IPCEF1: variants seen among roughly 807,000 people sequenced by gnomAD.
The protein encoded by IPCEF1 is interaction protein for cytohesin exchange factors 1.
Under a neutral mutation model 50.9 loss-of-function variants are expected in IPCEF1, and 31 were observed. The ratio of observed to expected loss-of-function variants is 0.61; its 90% CI spans 0.46 to 0.82. The LOEUF is 0.82. Among genes scored for constraint, IPCEF1 ranks in the 40% least tolerant of loss-of-function variants. IPCEF1 has a pLI of 0.00. For synonymous variants in IPCEF1, 181 were observed against 192.0 expected, an observed-to-expected ratio of 0.94 and a Z score of 0.47; for missense variants, 458 against 514.0, an observed-to-expected ratio of 0.89 and a Z score of 1.05.
intron 2 of IPCEF1, among the ~76,000 whole-genome samples, chr6:154,268,556 G>A (rs1481655192): frequency 6.6e-6 from 1 of 151,972 alleles, no homozygotes; most frequent in Non-Finnish European, 1.5e-5. Flanking sequence ...TTTCTCTCTG[G>A]CCCAGTGATT....
At chr6:154,305,717 A>G (rs996340199) in intron 1 of IPCEF1, among the ~76,000 whole-genome samples, 10 of 152,188 alleles carry the variant, frequency 6.6e-5, no homozygotes, top group South Asian at 4.1e-4. Flanking sequence ...GGTGGGCACC[A>G]TCCAATCAGC....
At chr6:154,354,404 T>TCCACCATCTC (rs1784168877) in intron 1 of IPCEF1, among the ~76,000 whole-genome samples, 6 of 20,770 alleles carry the variant, frequency 2.9e-4, no homozygotes, top group East Asian at 6.6e-4. Flanking sequence ...CCAACCACCA[T>TCCACCATCTC]CTCCACCACC....
intron 10 of IPCEF1, among the ~76,000 whole-genome samples, chr6:154,191,901 C>T (rs995058470): frequency 6.6e-6 from 1 of 151,750 alleles, no homozygotes; most frequent in African/African-American, 2.4e-5. Context: ...AAGTGCTCTA[C>T]AAAGTTAAGC....
intron 2 of IPCEF1, among the ~76,000 whole-genome samples, chr6:154,287,316 C>A (rs890258974): frequency 6.6e-6 from 1 of 152,046 alleles, no homozygotes; most frequent in Non-Finnish European, 1.5e-5. Flanking sequence ...AACCTCCTTT[C>A]TTTATAAATT....
Position 154,158,721 on chromosome 6 carries a change from T to C in IPCEF1, c.*1107A>G, listed in dbSNP as rs1034125445. The C allele has an allele frequency of 2.0e-5, 3 of 152,314 alleles. No individual in the cohort carries two copies. Among genetic ancestry groups the C allele is most frequent in the East Asian group, 1.9e-4 (1 of 5,190 alleles). 9.4% of individuals were successfully genotyped at this position (152,314 alleles called of 1,614,324 possible). On this transcript the variant is annotated 3_prime_UTR_variant, in exon 12 of 12. Transcript: ENST00000367220. ...TTCTATTTTTCTCAAGCAAAAAGTATAGACTCATCAAATATATACTAAGCA... is the reference window on the plus strand; with the variant it reads ...TTCTATTTTTCTCAAGCAAAAAGTACAGACTCATCAAATATATACTAAGCA...
At chr6:154,279,670 C>T (rs574624979) in intron 2 of IPCEF1, among the ~76,000 whole-genome samples, 1 of 152,284 alleles carries the variant, frequency 6.6e-6, no homozygotes, top group South Asian at 2.1e-4. Context: ...TAAGTTGAAA[C>T]ACATTAGAAT....
At chr6:154,339,820 A>G (rs916834326) in intron 1 of IPCEF1, among the ~76,000 whole-genome samples, 3 of 152,038 alleles carry the variant, frequency 2.0e-5, no homozygotes, top group Non-Finnish European at 4.4e-5. Flanking sequence ...CTCGTCTGGA[A>G]CACTTGGGCT....
At chr6:154,250,606 T>C (rs1036614170) in intron 3 of IPCEF1, among the ~76,000 whole-genome samples, 1 of 152,220 alleles carries the variant, frequency 6.6e-6, no homozygotes, top group African/African-American at 2.4e-5. Flanking sequence ...GTAGAAAATA[T>C]ACAAAGGAAA....
chr6:154,236,330 G>T (rs1780129206), intron 5 of IPCEF1, among the ~76,000 whole-genome samples: 1 of 152,170 alleles, frequency 6.6e-6, no homozygotes, highest in Admixed American at 6.5e-5. Context: ...CTTATAGGAG[G>T]GAACTACAGT....
Position 154,168,234 on chromosome 6 carries a change from C to A in IPCEF1, c.911-121G>T. 2.9e-6 allele frequency: 2 copies of A among 678,548 alleles called. No homozygotes were observed. The highest frequency in any genetic ancestry group is 2.9e-5 in the South Asian group (1 of 34,076). 42.0% of individuals were successfully genotyped at this position (678,548 alleles called of 1,614,324 possible). Reference sequence around the variant, plus strand: ...GGCACCCTCATCTCAGACTTCTCTCCGGAACTGAAAGACAATAAATGTTTG... The same window carrying A: ...GGCACCCTCATCTCAGACTTCTCTCAGGAACTGAAAGACAATAAATGTTTG... On this transcript the variant is annotated intron_variant, in intron 10 of 11. Coordinates refer to ENST00000367220, the MANE Select transcript of IPCEF1 (RefSeq NM_001130700.2). The surrounding 1 kb of genome is among the most constrained non-coding windows in gnomAD (Gnocchi z 4.1).
intron 2 of IPCEF1, among the ~76,000 whole-genome samples, chr6:154,273,515 T>C (rs984323498): frequency 1.3e-5 from 2 of 152,192 alleles, no homozygotes; most frequent in East Asian, 3.9e-4. Context: ...TCCATTCGTT[T>C]TGCCAATTAG....
chr6:154,159,793 G>A lies in IPCEF1; in HGVS notation c.*35C>T. 6.6e-7 allele frequency: 1 copy of A among 1,517,958 alleles called. No homozygotes were observed. The highest frequency in any genetic ancestry group is 9.1e-7 in the Non-Finnish European group (1 of 1,101,262). The allele number at this position is 1,517,958 out of a possible 1,614,324, so 94.0% of individuals were successfully genotyped here. A position where few individuals can be genotyped will look rare whatever the true frequency, so the allele number is the denominator to read the frequency against. Reference sequence around the variant, plus strand: ...TGCAACATCTTGAAGAGTTGCTTGTGATAAAATATAAGAGGAGAAAACCCT... The same window carrying A: ...TGCAACATCTTGAAGAGTTGCTTGTAATAAAATATAAGAGGAGAAAACCCT... On this transcript the variant is annotated 3_prime_UTR_variant, in exon 12 of 12. Transcript: ENST00000367220.
intron 2 of IPCEF1, among the ~76,000 whole-genome samples, chr6:154,269,471 T>TTTTTC (rs917076195): frequency 3.3e-5 from 5 of 152,168 alleles, no homozygotes; most frequent in African/African-American, 9.7e-5. Context: ...TTGTTTCTTT[T>TTTTTC]TTTTCTTTTC....
In IPCEF1 at chr6:154,158,950, T is replaced by C. The variant is rs1298425846; in HGVS notation, c.*878A>G. 2.6e-5 allele frequency: 4 copies of C among 152,198 alleles called. No individual in the cohort carries two copies. Among genetic ancestry groups the C allele is most frequent in the African/African-American group, 9.6e-5 (4 of 41,458 alleles). The allele number at this position is 152,198 out of a possible 1,614,324, so 9.4% of individuals were successfully genotyped here. A position where few individuals can be genotyped will look rare whatever the true frequency, so the allele number is the denominator to read the frequency against. On this transcript the variant is annotated 3_prime_UTR_variant, in exon 12 of 12. Transcript: ENST00000367220. ...AGTAAAGATATTAAAACAATTCAGA[T>C]GCCAAAGTCGTCTTGTCAATATTGA...
Position 154,223,238 on chromosome 6 carries a change from C to T in IPCEF1, c.252G>A (p.Glu84=). The T allele has an allele frequency of 6.2e-7, 1 of 1,612,382 alleles. No homozygotes were observed. The highest frequency in any genetic ancestry group is 8.5e-7 in the Non-Finnish European group (1 of 1,179,364). Reference sequence around the variant, plus strand: ...GCAGGTTGACAAATCCATCAGCTTTCTCTGCCTGAAACAAATATATACCAC... The same window carrying T: ...GCAGGTTGACAAATCCATCAGCTTTTTCTGCCTGAAACAAATATATACCAC... ...SLYWYSNQMA[E]KADGFVNLPD... The change falls in exon 6 of 12, where the codon GAG becomes GAA. Residue 84 remains glutamate, a synonymous_variant. Transcript: ENST00000367220.
At chr6:154,171,177 A>C (rs1480899723) in intron 10 of IPCEF1, among the ~76,000 whole-genome samples, 2 of 152,260 alleles carry the variant, frequency 1.3e-5, no homozygotes, top group African/African-American at 4.8e-5. Flanking sequence ...TGTTCACGGC[A>C]GCATTATTCA....
At chr6:154,310,762 T>C (rs1783057821) in intron 1 of IPCEF1, among the ~76,000 whole-genome samples, 1 of 151,760 alleles carries the variant, frequency 6.6e-6, no homozygotes. Flanking sequence ...TAAATACAAA[T>C]ACTATATGAT....
At chr6:154,276,649 T>C (rs1481890596) in intron 2 of IPCEF1, among the ~76,000 whole-genome samples, 1 of 152,228 alleles carries the variant, frequency 6.6e-6, no homozygotes, top group Non-Finnish European at 1.5e-5. Flanking sequence ...ATTTTCAGAC[T>C]CCAGGTCCAG....
At chr6:154,293,643 G>GA (rs1562582500) in intron 1 of IPCEF1, among the ~76,000 whole-genome samples, 1 of 152,216 alleles carries the variant, frequency 6.6e-6, no homozygotes, top group East Asian at 1.9e-4. Context: ...AATACCCGGA[G>GA]AAAAAAATGA....
Sources: allele counts gnomAD v4.1 joint callset (sites outside exome capture counted in the v4.1 genomes callset), GRCh38; gene constraint gnomAD v4.1.1; non-coding constraint Gnocchi (gnomAD v3.1); transcripts MANE v1.5; gene names NCBI Gene and HGNC (gene_info 2026-07-23, HGNC 2026-07-21).